Variants in CLNK observed in about 807,000 individuals in gnomAD.
CLNK encodes cytokine dependent hematopoietic cell linker, also known as cytokine-dependent hematopoietic cell linker.
In CLNK, 74 loss-of-function variants were observed where a neutral mutation model predicts 68.6. The ratio of observed to expected loss-of-function variants is 1.08; its 90% confidence interval spans 0.89 to 1.31. The LOEUF (loss-of-function observed/expected upper bound fraction) is 1.31, where lower values mean the gene tolerates loss of function less well. CLNK is among the 50% of genes most tolerant of loss of function. The pLI is 0.00. For missense variants in CLNK, 553 were observed against 515.3 expected (o/e 1.07, Z -0.71); for synonymous variants, 198 against 172.2 (o/e 1.15, Z -1.17).
At chr4:10,699,905 G>T in the CLNK span, among the ~76,000 whole-genome samples, 1 of 151,166 alleles carries the variant, frequency 6.6e-6, no homozygotes, top group South Asian at 2.1e-4. Context: ...TATTTTTATT[G>T]GTATTATTTT....
intron 2 of CLNK, among the ~76,000 whole-genome samples, chr4:10,665,158 C>T (rs889894629): frequency 2.0e-5 from 3 of 152,234 alleles, no homozygotes; most frequent in South Asian, 2.1e-4. Context: ...GAAATGGTGA[C>T]GGTTTGGCTG....
intron 18 of CLNK, among the ~76,000 whole-genome samples, chr4:10,492,323 G>A (rs1302706329): frequency 6.6e-6 from 1 of 152,150 alleles, no homozygotes; most frequent in East Asian, 1.9e-4. Flanking sequence ...TGAAGAAAGG[G>A]AGCCGTGTGG....
At chr4:10,528,157 C>T (rs768911144) in intron 12 of CLNK, 63 bp from the exon 13 acceptor site, 13 of 793,246 alleles carry the variant, frequency 1.6e-5, no homozygotes, top group Non-Finnish European at 2.3e-5. Flanking sequence ...TAATATAACA[C>T]CATGTGTGTT....
chr4:10,683,786 T>C (rs1458802776), intron 1 of CLNK, among the ~76,000 whole-genome samples: 1 of 152,184 alleles, frequency 6.6e-6, no homozygotes, highest in Non-Finnish European at 1.5e-5. Flanking sequence ...GAAATGATTA[T>C]TCCTGGTGGT....
At chr4:10,620,830 C>T (rs1012183558) in intron 2 of CLNK, among the ~76,000 whole-genome samples, 4 of 151,876 alleles carry the variant, frequency 2.6e-5, no homozygotes, top group East Asian at 1.9e-4. Context: ...AGGCTGGGCG[C>T]GGTGGCTCAC....
chr4:10,571,852 G>C (rs376823941), intron 4 of CLNK, 74 bp from the exon 5 acceptor site: 165 of 1,141,302 alleles, frequency 1.4e-4, no homozygotes, highest in Non-Finnish European at 2.0e-4. Context: ...CTGGGCCCTT[G>C]TTTTTCTCCA....
intron 2 of CLNK, among the ~76,000 whole-genome samples, chr4:10,650,114 AATTAT>A (rs1723669441): frequency 6.6e-6 from 1 of 152,168 alleles, no homozygotes; most frequent in African/African-American, 2.4e-5. Context: ...TTGTGAAAAA[AATTAT>A]ATTATAGGTT....
chr4:10,501,881 C>G (rs554626242), intron 17 of CLNK, among the ~76,000 whole-genome samples: 1 of 152,318 alleles, frequency 6.6e-6, no homozygotes, highest in South Asian at 2.1e-4. Flanking sequence ...GAGCCAAGAT[C>G]GTGCCACTGC....
chr4:10,603,935 T>C (rs1179115547), intron 2 of CLNK, among the ~76,000 whole-genome samples: 1 of 152,138 alleles, frequency 6.6e-6, no homozygotes, highest in Non-Finnish European at 1.5e-5. Context: ...TTTGGTTATA[T>C]TTTTTAGTAG....
intron 1 of CLNK, among the ~76,000 whole-genome samples, chr4:10,678,985 A>C (rs2108901906): frequency 6.6e-6 from 1 of 152,280 alleles, no homozygotes; most frequent in East Asian, 1.9e-4. Flanking sequence ...GCTACCAATG[A>C]CTTTTTTCAC....
chr4:10,713,337 T>C, the CLNK span, among the ~76,000 whole-genome samples: 1 of 152,156 alleles, frequency 6.6e-6, no homozygotes, highest in Non-Finnish European at 1.5e-5. Context: ...GAAAAGGATG[T>C]GTGAGTGAGA....
the CLNK span, among the ~76,000 whole-genome samples, chr4:10,719,501 A>G: frequency 6.6e-6 from 1 of 152,128 alleles, no homozygotes; most frequent in Non-Finnish European, 1.5e-5. Flanking sequence ...CCAACCCACT[A>G]AGAAGACTTA....
At chr4:10,496,018 C>G (rs956912549) in intron 18 of CLNK, among the ~76,000 whole-genome samples, 1 of 152,152 alleles carries the variant, frequency 6.6e-6, no homozygotes. Context: ...TGGCCTCCAG[C>G]ACTGTGAAAC....
At chr4:10,717,586 A>C in the CLNK span, among the ~76,000 whole-genome samples, 1 of 152,032 alleles carries the variant, frequency 6.6e-6, no homozygotes, top group South Asian at 2.1e-4. Context: ...ACAGGGCGAG[A>C]CTCCAAAAAA....
At chr4:10,502,313 G>A (rs1328387308) in intron 17 of CLNK, among the ~76,000 whole-genome samples, 3 of 152,160 alleles carry the variant, frequency 2.0e-5, no homozygotes, top group Non-Finnish European at 4.4e-5. Context: ...AGAGAGCAGA[G>A]TGAGGAGTGA....
intron 17 of CLNK, among the ~76,000 whole-genome samples, chr4:10,507,720 G>A (rs1040603480): frequency 2.0e-5 from 3 of 151,932 alleles, no homozygotes; most frequent in African/African-American, 7.3e-5. Context: ...CACCTCAAAT[G>A]AGCCACCTAC....
Position 10,565,882 on chromosome 4 carries a change from G to A in CLNK, c.292+127C>T, listed in dbSNP as rs540100238. ...GGAGAGACTTTCTCAAGGTCACACAGCTAGTAAGTCATGGGGGCAGACGTT... is the reference window on the plus strand; with the variant it reads ...GGAGAGACTTTCTCAAGGTCACACAACTAGTAAGTCATGGGGGCAGACGTT... On this transcript the variant is annotated intron_variant, in intron 6 of 18. Coordinates refer to ENST00000226951, the MANE Select transcript of CLNK (RefSeq NM_052964.4). 3.1e-6 allele frequency: 3 copies of A among 956,320 alleles called. No homozygotes were observed. In the African/African-American group the frequency reaches 5.0e-5, roughly 16 times the overall value. 59.2% of individuals were successfully genotyped at this position (956,320 alleles called of 1,614,324 possible).
At chr4:10,596,390 G>A (rs764844194) in intron 3 of CLNK, among the ~76,000 whole-genome samples, 2 of 152,156 alleles carry the variant, frequency 1.3e-5, no homozygotes. Context: ...GGGGCCACAC[G>A]GCTAATAAGC....
chr4:10,702,029 A>C, the CLNK span, among the ~76,000 whole-genome samples: 6 of 152,228 alleles, frequency 3.9e-5, no homozygotes, highest in Non-Finnish European at 8.8e-5. Flanking sequence ...CACGAGAACC[A>C]AGAGGTGAGG....
Sources: gnomAD v4.1 joint callset for allele counts (sites outside exome capture counted in the v4.1 genomes callset) on GRCh38, gnomAD v4.1.1 for gene constraint, MANE v1.5 for transcripts, NCBI Gene and HGNC (gene_info 2026-07-23, HGNC 2026-07-21) for gene names.